Variants in PCDHA3 observed in about 807,000 individuals in gnomAD.
The protein encoded by PCDHA3 is protocadherin alpha-3.
Under a neutral mutation model 62.2 loss-of-function variants are expected in PCDHA3, and 41 were observed. The ratio of observed to expected loss-of-function variants is 0.66; its 90% CI spans 0.51 to 0.86. The LOEUF is 0.86. Ranked by LOEUF, PCDHA3 falls within the 40% of genes least tolerant of loss-of-function variation. The pLI is 0.00. For missense variants in PCDHA3, 1,304 were observed against 1,241.2 expected, an observed-to-expected ratio of 1.05 and a Z score of -0.76; for synonymous variants, 640 against 555.4, an observed-to-expected ratio of 1.15 and a Z score of -2.14.
At chr5:140,836,282 G>C (rs1554135789) in intron 1 of PCDHA3, 6 of 1,613,806 alleles carry the variant, frequency 3.7e-6, no homozygotes, top group Non-Finnish European at 5.1e-6. Context: ...AGATCAGCAC[G>C]ACACGAGCCC....
At chr5:140,989,555 T>G (rs923190578) in intron 3 of PCDHA3, among the ~76,000 whole-genome samples, 1 of 152,204 alleles carries the variant, frequency 6.6e-6, no homozygotes, top group African/African-American at 2.4e-5. Flanking sequence ...CCTTTACGTT[T>G]TGTGGCTCCG....
intron 1 of PCDHA3, chr5:140,834,524 C>G: frequency 6.2e-7 from 1 of 1,614,088 alleles, no homozygotes; most frequent in African/African-American, 1.3e-5. Flanking sequence ...TCGTGGGCCG[C>G]ATCGCGCAGG....
At position 141,010,210 on chromosome 5, in the gene PCDHA3, G is replaced by A. The variant is rs2098416466; in HGVS notation, c.*273G>A. ...AGTTTCCTTTCTCCTCCGCCGCAAA[G>A]GAGAGGCTTCCCAGCCCCGCCAGTG... On this transcript the variant is annotated 3_prime_UTR_variant, in exon 4 of 4. Transcript: ENST00000522353. 4 of 1,551,736 alleles carry A rather than the reference G, an allele frequency of 2.6e-6. No homozygotes were observed. Among genetic ancestry groups the A allele is most frequent in the African/African-American group, 1.4e-5 (1 of 73,050 alleles).
intron 1 of PCDHA3, among the ~76,000 whole-genome samples, chr5:140,831,498 C>T (rs2150195161): frequency 1.8e-5 from 2 of 108,406 alleles, no homozygotes; most frequent in Non-Finnish European, 3.8e-5. Flanking sequence ...TTACTACACA[C>T]GAGCACCACC....
chr5:140,928,148 A>G (rs1228039818), intron 1 of PCDHA3: 1 of 1,614,054 alleles, frequency 6.2e-7, no homozygotes, highest in African/African-American at 1.3e-5. Context: ...ACGGCCTCAG[A>G]TAGTGGCTCA....
chr5:140,834,485 G>T (rs2150219471), intron 1 of PCDHA3: 3 of 1,614,120 alleles, frequency 1.9e-6, no homozygotes. Flanking sequence ...TCCACTACTC[G>T]GTCCCCGAGG....
chr5:140,822,920 G>C, intron 1 of PCDHA3: 1 of 1,614,238 alleles, frequency 6.2e-7, no homozygotes, highest in Non-Finnish European at 8.5e-7. Flanking sequence ...GGTGCCAACG[G>C]GCAGGTGACC....
chr5:140,911,509 A>G (rs1378667100), intron 1 of PCDHA3, among the ~76,000 whole-genome samples: 1 of 152,214 alleles, frequency 6.6e-6, no homozygotes, highest in Admixed American at 6.5e-5. Flanking sequence ...GAGGTTCAGT[A>G]TCTGCTTCTG....
intron 1 of PCDHA3, chr5:140,929,073 T>C (rs782591499): frequency 1.9e-6 from 3 of 1,614,200 alleles, no homozygotes; most frequent in Non-Finnish European, 2.5e-6. Flanking sequence ...ATCTGAGGTA[T>C]GGAAGTAAGA....
At chr5:140,960,488 GT>G (rs1373763536) in intron 1 of PCDHA3, among the ~76,000 whole-genome samples, 4 of 152,150 alleles carry the variant, frequency 2.6e-5, no homozygotes, top group African/African-American at 9.7e-5. Flanking sequence ...AGAGGTGTAG[GT>G]TTGTTTGTTC....
chr5:140,871,271 C>T (rs1369255733), intron 1 of PCDHA3: 1 of 1,613,830 alleles, frequency 6.2e-7, no homozygotes, highest in African/African-American at 1.3e-5. Context: ...CTGTGGTGGT[C>T]GGCAACGCCC....
Position 140,870,808 on chromosome 5 carries a change from G to A in PCDHA3, c.2394+67217G>A, listed in dbSNP as rs368477795. 1.9e-5 allele frequency: 30 copies of A among 1,613,692 alleles called. No individual in the cohort carries two copies. The highest frequency in any genetic ancestry group is 3.3e-5 in the South Asian group (3 of 91,076). On this transcript the variant is annotated intron_variant, in intron 1 of 3. Coordinates refer to ENST00000522353, the MANE Select transcript of PCDHA3 (RefSeq NM_018906.3). ...CGCGCCGGCACTGCTGGCGACTCAGGCTGGCAGCGCGGGAGGCGCAGTTAA... is the reference window on the plus strand; with the variant it reads ...CGCGCCGGCACTGCTGGCGACTCAGACTGGCAGCGCGGGAGGCGCAGTTAA...
rs1554262229 is a variant in PCDHA3, at chr5:141,009,613, G to A, written c.2543-14G>A. ...GTTGACCCTGTTAATGATTTGTAATGTTTTGTCTTTCAGAACCAGAGGCAG... is the reference window on the plus strand; with the variant it reads ...GTTGACCCTGTTAATGATTTGTAATATTTTGTCTTTCAGAACCAGAGGCAG... On this transcript the variant is annotated splice_polypyrimidine_tract_variant and intron_variant, in intron 3 of 3. Coordinates refer to ENST00000522353, the MANE Select transcript of PCDHA3 (RefSeq NM_018906.3). The A allele has an allele frequency of 6.2e-7, 1 of 1,611,932 alleles. No individual in the cohort carries two copies. Among genetic ancestry groups the A allele is most frequent in the Non-Finnish European group, 8.5e-7 (1 of 1,178,618 alleles).
In PCDHA3 at chr5:140,802,875, G is replaced by T. The variant is rs782103564; in HGVS notation, c.1678G>T (p.Asp560Tyr). Residue 560 changes from aspartate to tyrosine, a missense_variant, in exon 1 of 4, where the codon GAC becomes TAC. Physicochemically the swap from Asp to Tyr is radical, Grantham distance 160. Transcript: ENST00000522353. The stretch of plus-strand genomic sequence containing the variant: ...GCAGGTGTTCGTGCTGGACGAGAAC[G>T]ACAACGCGCCGGCACTGCTGATGCC... ...TLQVFVLDEN[D>Y]NAPALLMPRV... 1 of 1,613,736 alleles carries T rather than the reference G, an allele frequency of 6.2e-7. No individual in the cohort carries two copies. Among genetic ancestry groups the T allele is most frequent in the Non-Finnish European group, 8.5e-7 (1 of 1,179,910 alleles).
chr5:140,813,571 G>C (rs1008971816), intron 1 of PCDHA3: 1 of 152,176 alleles, frequency 6.6e-6, no homozygotes. Context: ...TGGAGACTGC[G>C]GGGCTGGAAA....
At chr5:140,912,139 GTTC>G (rs2075787473) in intron 1 of PCDHA3, among the ~76,000 whole-genome samples, 1 of 152,162 alleles carries the variant, frequency 6.6e-6, no homozygotes. Context: ...ATCTCTCCAT[GTTC>G]TTCTGCCTGT....
intron 1 of PCDHA3, chr5:140,835,465 A>G: frequency 6.2e-7 from 1 of 1,613,920 alleles, no homozygotes; most frequent in Non-Finnish European, 8.5e-7. Context: ...CCTATTCCAG[A>G]GGACGCCCAA....
At chr5:140,983,168 C>G (rs2097030716) in intron 3 of PCDHA3, among the ~76,000 whole-genome samples, 1 of 152,146 alleles carries the variant, frequency 6.6e-6, no homozygotes. Context: ...CCAAACATGA[C>G]CGCCTCACAA....
At chr5:140,969,930 C>T (rs1200018667) in intron 1 of PCDHA3, among the ~76,000 whole-genome samples, 1 of 152,178 alleles carries the variant, frequency 6.6e-6, no homozygotes, top group Non-Finnish European at 1.5e-5. Flanking sequence ...AGTATTTAGA[C>T]ATCATACTGA....
Sources: allele counts gnomAD v4.1 joint callset (sites outside exome capture counted in the v4.1 genomes callset), GRCh38; gene constraint gnomAD v4.1.1; transcripts MANE v1.5; gene names NCBI Gene and HGNC (gene_info 2026-07-23, HGNC 2026-07-21).